The following DPP10 variants were observed in gnomAD, a reference collection of about 807,000 sequenced individuals.
DPP10 encodes the protein inactive dipeptidyl peptidase 10.
A neutral mutation model predicts 120.9 loss-of-function variants in DPP10; 33 were observed. The observed-to-expected ratio is 0.27, with a 90% CI of 0.21 to 0.37. The LOEUF is 0.37. DPP10 is among the 10% of genes least tolerant of loss of function. DPP10 has a pLI of 1.00. For missense variants in DPP10, 816 were observed against 942.8 expected (o/e 0.87, Z 1.76); for synonymous variants, 337 against 326.1 (o/e 1.03, Z -0.36).
At chr2:115,393,025 T>C (rs2067425745) in intron 3 of DPP10, among the ~76,000 whole-genome samples, 1 of 152,092 alleles carries the variant, frequency 6.6e-6, no homozygotes, top group Admixed American at 6.5e-5. Flanking sequence ...AAAGTATATG[T>C]GAATAGGCTG....
At chr2:115,311,498 G>A (rs2061575290) in intron 2 of DPP10, among the ~76,000 whole-genome samples, 1 of 152,038 alleles carries the variant, frequency 6.6e-6, no homozygotes, top group South Asian at 2.1e-4. Flanking sequence ...AAACGGAAAG[G>A]GACAAAATAT....
Position 114,819,509 on chromosome 2 carries a change from A to G in DPP10, c.60+376671A>G, listed in dbSNP as rs1685914128. On this transcript the variant is annotated intron_variant, in intron 1 of 25. Coordinates refer to ENST00000410059, the MANE Select transcript of DPP10 (RefSeq NM_020868.6). ...AAATTGATTGAGTTGAAAATGGTCCAACAGTTACAAAGAAATATTTGACAT... is the reference window on the plus strand; with the variant it reads ...AAATTGATTGAGTTGAAAATGGTCCGACAGTTACAAAGAAATATTTGACAT... Among the ~76,000 whole-genome samples the G allele has an allele frequency of 2.0e-5, 3 of 152,228 alleles. No individual in the cohort carries two copies. The South Asian group carries it at 6.2e-4, about 32-fold the overall frequency.
At chr2:114,927,419 A>G (rs1695716342) in intron 1 of DPP10, among the ~76,000 whole-genome samples, 1 of 152,152 alleles carries the variant, frequency 6.6e-6, no homozygotes, top group Non-Finnish European at 1.5e-5. Context: ...TGAGACATCA[A>G]TCAATATATG....
At chr2:115,049,310 A>G (rs1433644435) in intron 1 of DPP10, among the ~76,000 whole-genome samples, 1 of 152,138 alleles carries the variant, frequency 6.6e-6, no homozygotes, top group African/African-American at 2.4e-5. Flanking sequence ...ATGCCCATTT[A>G]TATTACTATT....
At chr2:115,164,664 A>C (rs2052696728) in intron 1 of DPP10, among the ~76,000 whole-genome samples, 1 of 152,194 alleles carries the variant, frequency 6.6e-6, no homozygotes. Flanking sequence ...ACCTATTTCC[A>C]CTTATAGCAC....
At chr2:115,708,113 A>G (rs1006875201) in intron 7 of DPP10, among the ~76,000 whole-genome samples, 1 of 151,996 alleles carries the variant, frequency 6.6e-6, no homozygotes, top group Non-Finnish European at 1.5e-5. Flanking sequence ...ATAATCAGAG[A>G]CAAAATAGGG....
chr2:114,866,039 G>A, intron 1 of DPP10, among the ~76,000 whole-genome samples: 1 of 151,874 alleles, frequency 6.6e-6, no homozygotes, highest in East Asian at 1.9e-4. Context: ...TTGAACCTGG[G>A]GGGCGGAGGT....
chr2:114,816,480 T>C (rs1264263357), intron 1 of DPP10, among the ~76,000 whole-genome samples: 1 of 152,196 alleles, frequency 6.6e-6, no homozygotes, highest in East Asian at 1.9e-4. Context: ...CATAATGGCT[T>C]TTCTGATCAT....
intron 1 of DPP10, among the ~76,000 whole-genome samples, chr2:114,608,674 GTACATA>G (rs1287360671): frequency 6.6e-6 from 1 of 151,640 alleles, no homozygotes; most frequent in Non-Finnish European, 1.5e-5. Flanking sequence ...AGCAAATGTG[GTACATA>G]TACACCATGG....
chr2:114,451,958 G>C (rs1678305019), intron 1 of DPP10, among the ~76,000 whole-genome samples: 2 of 152,132 alleles, frequency 1.3e-5, no homozygotes, highest in Non-Finnish European at 2.9e-5. Context: ...TTGTTCATTA[G>C]CTTCATTTAG....
At chr2:115,579,472 C>T (rs916868284) in intron 5 of DPP10, 5 of 152,142 alleles carry the variant, frequency 3.3e-5, no homozygotes, top group Non-Finnish European at 7.3e-5. Context: ...TCTCTGTGGC[C>T]TAATGGTGGA....
At position 115,689,879 on chromosome 2, in the gene DPP10, C is replaced by A; in HGVS notation, c.534C>A (p.Ser178=). 1 of 1,613,810 alleles carries A rather than the reference C, an allele frequency of 6.2e-7. No homozygotes were observed. Among genetic ancestry groups the A allele is most frequent in the Non-Finnish European group, 8.5e-7 (1 of 1,179,924 alleles). ...TAAATCCTCCAGAAGTAGAGGACTC[C>A]GTCTTGCAGTACGCGGCCTGGGGTG... is the stretch of plus-strand genomic sequence containing the variant. ...WELNPPEVED[S]VLQYAAWGVQ... is the part of the protein sequence containing the mutation. Residue 178 remains serine, a synonymous_variant, in exon 7 of 26, where the codon TCC becomes TCA. Transcript: ENST00000410059.
chr2:115,406,057 T>G (rs1486823085), intron 3 of DPP10, among the ~76,000 whole-genome samples: 1 of 152,222 alleles, frequency 6.6e-6, no homozygotes, highest in Non-Finnish European at 1.5e-5. Flanking sequence ...TACCACATGG[T>G]CAAGCAATAA....
intron 3 of DPP10, among the ~76,000 whole-genome samples, chr2:115,418,914 G>A (rs1010262267): frequency 2.0e-5 from 3 of 152,146 alleles, no homozygotes; most frequent in Non-Finnish European, 4.4e-5. Context: ...TAGTCTGAAG[G>A]CAGTCTGGGG....
At chr2:115,388,845 A>C (rs549137209) in intron 3 of DPP10, among the ~76,000 whole-genome samples, 3 of 152,272 alleles carry the variant, frequency 2.0e-5, no homozygotes, top group Admixed American at 2.0e-4. Flanking sequence ...CAATCCTGTT[A>C]ATTAAAAGGA....
At chr2:115,085,936 AC>A (rs934289995) in intron 1 of DPP10, among the ~76,000 whole-genome samples, 6 of 152,178 alleles carry the variant, frequency 3.9e-5, no homozygotes, top group Admixed American at 2.6e-4. Context: ...CCTGCAAACC[AC>A]AAATTCTCAT....
At chr2:114,654,282 A>C (rs939882977) in intron 1 of DPP10, among the ~76,000 whole-genome samples, 3 of 152,142 alleles carry the variant, frequency 2.0e-5, no homozygotes, top group African/African-American at 7.2e-5. Context: ...AGGTGAAGTG[A>C]CTTCCCATTA....
intron 3 of DPP10, 57 bp downstream of exon 3, chr2:115,343,969 T>G (rs2063580285): frequency 7.0e-7 from 1 of 1,434,920 alleles, no homozygotes. Context: ...TAATTAAAAT[T>G]TTAAAAAATG....
At chr2:114,455,732 T>TTA (rs1553443887) in intron 1 of DPP10, among the ~76,000 whole-genome samples, 8 of 148,532 alleles carry the variant, frequency 5.4e-5, no homozygotes, top group African/African-American at 2.1e-4. Flanking sequence ...TTCATTTGTT[T>TTA]TTTTTTTTTT....
Sources: allele counts gnomAD v4.1 joint callset (sites outside exome capture counted in the v4.1 genomes callset), GRCh38; gene constraint gnomAD v4.1.1; transcripts MANE v1.5; gene names NCBI Gene and HGNC (gene_info 2026-07-23, HGNC 2026-07-21).